Variants in MTRES1 observed in about 807,000 individuals in gnomAD.
MTRES1 encodes the protein mitochondrial transcription rescue factor 1.
Under a neutral mutation model 17.4 loss-of-function variants are expected in MTRES1, and 11 were observed. The ratio of observed to expected loss-of-function variants is 0.63; its 90% CI spans 0.40 to 1.05. The LOEUF is 1.05. Among genes scored for constraint, MTRES1 ranks in the 50% least tolerant of loss-of-function variants. The probability of loss-of-function intolerance (pLI) is 0.00; values close to 1 mark genes in which losing one functional copy is unlikely to be tolerated. For missense variants in MTRES1, 268 were observed against 276.2 expected, an observed-to-expected ratio of 0.97 and a Z score of 0.21; for synonymous variants, 94 against 99.6, an observed-to-expected ratio of 0.94 and a Z score of 0.34.
rs375132159 is a variant in MTRES1 at position 107,051,074 on chromosome 6, A to G, written c.561A>G (p.Thr187=). The change falls in exon 4 of 4, where the codon ACA becomes ACG. Residue 187 remains threonine, a synonymous_variant. Coordinates refer to ENST00000311381, the MANE Select transcript of MTRES1 (RefSeq NM_016487.5). ...KKSRTVKVGD[T]LDLLIGEDKE... ...ATTTTCAGGTGAAAGTGGGAGATAC[A>G]TTGGATCTTCTCATTGGAGAGGATA... The G allele has an allele frequency of 1.9e-6, 3 of 1,611,316 alleles. No individual in the cohort carries two copies. Among genetic ancestry groups the G allele is most frequent in the South Asian group, 1.1e-5 (1 of 90,346 alleles).
At chr6:107,028,422 C>A (rs1554225919) in intron 1 of MTRES1, 151 bp downstream of exon 1, 1 of 152,306 alleles carries the variant, frequency 6.6e-6, no homozygotes, top group Non-Finnish European at 1.5e-5. Context: ...CTCAGGGCTG[C>A]GCAGGGACTG....
chr6:107,031,757 CAT>C (rs1380925073), intron 1 of MTRES1, among the ~76,000 whole-genome samples: 2 of 152,084 alleles, frequency 1.3e-5, no homozygotes, highest in Non-Finnish European at 2.9e-5. Flanking sequence ...CGTGCCACCA[CAT>C]TCAGCTAATT....
chr6:107,047,004 G>A (rs1026171901), intron 3 of MTRES1, among the ~76,000 whole-genome samples: 6 of 151,084 alleles, frequency 4.0e-5, no homozygotes, highest in Non-Finnish European at 7.4e-5. Context: ...GGGTTTCACT[G>A]TGTTAGCCAG....
At chr6:107,045,560 A>G (rs1774364551) in intron 3 of MTRES1, among the ~76,000 whole-genome samples, 1 of 152,208 alleles carries the variant, frequency 6.6e-6, no homozygotes, top group Non-Finnish European at 1.5e-5. Flanking sequence ...TCTGGAATTA[A>G]AATACTGCTG....
At chr6:107,033,955 G>T (rs973447102) in intron 1 of MTRES1, among the ~76,000 whole-genome samples, 2 of 152,190 alleles carry the variant, frequency 1.3e-5, no homozygotes, top group Non-Finnish European at 2.9e-5. Flanking sequence ...TCAATTTTAT[G>T]TTTTTAATGA....
chr6:107,048,600 T>A (rs1469432263), intron 3 of MTRES1, among the ~76,000 whole-genome samples: 4 of 151,124 alleles, frequency 2.6e-5, no homozygotes, highest in African/African-American at 9.7e-5. Context: ...GCCAACATGA[T>A]GAAACCCTGT....
At chr6:107,029,233 G>C (rs1446814478) in intron 1 of MTRES1, among the ~76,000 whole-genome samples, 2 of 150,574 alleles carry the variant, frequency 1.3e-5, no homozygotes, top group Non-Finnish European at 2.9e-5. Flanking sequence ...TGTCGCCCAG[G>C]CTGGAGTGCA....
intron 1 of MTRES1, chr6:107,028,776 A>G: frequency 1.9e-6 from 1 of 523,366 alleles, no homozygotes; most frequent in Non-Finnish European, 2.5e-6. Flanking sequence ...TTTTACAGAC[A>G]CTGCTTTTCT....
chr6:107,048,786 A>G (rs1184962884), intron 3 of MTRES1, among the ~76,000 whole-genome samples: 9 of 151,618 alleles, frequency 5.9e-5, no homozygotes, highest in African/African-American at 2.2e-4. Context: ...GTCAAAAAAA[A>G]AAAAAAAAGA....
At chr6:107,030,576 T>C (rs1010664923) in intron 1 of MTRES1, among the ~76,000 whole-genome samples, 7 of 152,212 alleles carry the variant, frequency 4.6e-5, no homozygotes, top group Admixed American at 1.3e-4. Flanking sequence ...CATCAAATTA[T>C]GACAAGACGT....
At chr6:107,040,421 C>G in intron 2 of MTRES1, 191 bp downstream of exon 2, 1 of 431,292 alleles carries the variant, frequency 2.3e-6, no homozygotes. Flanking sequence ...TGACTGCCTG[C>G]AAATCCTATG....
chr6:107,037,957 G>A (rs1438468839), intron 1 of MTRES1, among the ~76,000 whole-genome samples: 1 of 152,118 alleles, frequency 6.6e-6, no homozygotes, highest in African/African-American at 2.4e-5. Context: ...GACCTCAGGA[G>A]ATCCACCCGC....
At chr6:107,030,194 TG>T in intron 1 of MTRES1, 1 of 717,924 alleles carries the variant, frequency 1.4e-6, no homozygotes. Flanking sequence ...GGAGAGGAAA[TG>T]GGGGTTGAGG....
intron 1 of MTRES1, among the ~76,000 whole-genome samples, chr6:107,032,719 T>A (rs1773885316): frequency 6.6e-6 from 1 of 152,178 alleles, no homozygotes; most frequent in East Asian, 1.9e-4. Flanking sequence ...AATAAAAAAA[T>A]GCCTGAGCAT....
chr6:107,039,181 AT>A (rs1774103759), intron 1 of MTRES1, among the ~76,000 whole-genome samples: 1 of 152,224 alleles, frequency 6.6e-6, no homozygotes, highest in Non-Finnish European at 1.5e-5. Flanking sequence ...GCTTTCACAT[AT>A]ACTCATATCA....
intron 1 of MTRES1, among the ~76,000 whole-genome samples, chr6:107,032,631 A>G (rs1773882286): frequency 6.6e-6 from 1 of 152,108 alleles, no homozygotes; most frequent in African/African-American, 2.4e-5. Flanking sequence ...GAATTGCTTG[A>G]ACCCAGGAGG....
intron 1 of MTRES1, among the ~76,000 whole-genome samples, chr6:107,038,918 G>T (rs1774094305): frequency 6.6e-6 from 1 of 152,086 alleles, no homozygotes; most frequent in South Asian, 2.1e-4. Flanking sequence ...GCTGGACGTG[G>T]TGGTGCATGC....
chr6:107,040,202 C>T lies in MTRES1; in HGVS notation c.442C>T (p.Leu148=). ...TCAGTCTTTTCGGTATGATGTTGTC[C>T]TGAAGACGGGGCTAGATATTGGGAG... ...AVQSFRYDVV[L]KTGLDIGRNK... The change falls in exon 2 of 4, where the codon CTG becomes TTG. Residue 148 remains leucine (L), a synonymous_variant. Transcript: ENST00000311381. 6.2e-7 allele frequency: 1 copy of T among 1,603,294 alleles called. No individual in the cohort carries two copies. Among genetic ancestry groups the T allele is most frequent in the Non-Finnish European group, 8.5e-7 (1 of 1,177,276 alleles).
chr6:107,040,004 G>A lies in MTRES1; in HGVS notation c.244G>A (p.Val82Ile), dbSNP rs150832095. 895 of 1,613,260 alleles carry A rather than the reference G, an allele frequency of 5.5e-4. 1 individual carries two copies. The highest frequency in any genetic ancestry group is 6.9e-4 in the Non-Finnish European group (811 of 1,179,802). Residue 82 changes from valine to isoleucine, a missense_variant, in exon 2 of 4, where the codon GTA (valine) becomes ATA (isoleucine). Transcript: ENST00000311381. ...TCCAGAATGTATTTTTCCTTTTTCC[G>A]TAAGACTCAAAAGTAATATAAGGTC... ...LSPECIFPFS[V>I]RLKSNIRSTK...
Sources: allele counts gnomAD v4.1 joint callset (sites outside exome capture counted in the v4.1 genomes callset), GRCh38; gene constraint gnomAD v4.1.1; transcripts MANE v1.5; gene names NCBI Gene and HGNC (gene_info 2026-07-23, HGNC 2026-07-21).